The following CEMIP variants were observed in gnomAD, a reference collection of about 807,000 sequenced individuals.
CEMIP encodes cell migration-inducing and hyaluronan-binding protein.
Under a neutral mutation model 156.9 loss-of-function variants are expected in CEMIP, and 105 were observed. The observed-to-expected ratio is 0.67, with a 90% CI of 0.57 to 0.79. The LOEUF (loss-of-function observed/expected upper bound fraction) is 0.79, where lower values mean the gene tolerates loss of function less well. Ranked by LOEUF, CEMIP falls within the 30% of genes least tolerant of loss-of-function variation. The pLI is 0.00. For missense variants in CEMIP, 1,457 were observed against 1,769.4 expected, an observed-to-expected ratio of 0.82 and a Z score of 3.17; for synonymous variants, 676 against 668.4, an observed-to-expected ratio of 1.01 and a Z score of -0.17.
intron 10 of CEMIP, among the ~76,000 whole-genome samples, chr15:80,892,464 C>A (rs975743214): frequency 1.3e-5 from 2 of 152,186 alleles, no homozygotes; most frequent in Non-Finnish European, 1.5e-5. Context: ...CCCAGCCACC[C>A]TTCAAGGCCA....
chr15:80,803,709 A>G (rs188312564), intron 1 of CEMIP, among the ~76,000 whole-genome samples: 3 of 152,358 alleles, frequency 2.0e-5, no homozygotes, highest in African/African-American at 7.2e-5. Flanking sequence ...TTCTACAGAC[A>G]CATAGCTAAT....
At chr15:80,923,963 C>T (rs1181256245) in intron 17 of CEMIP, among the ~76,000 whole-genome samples, 1 of 152,156 alleles carries the variant, frequency 6.6e-6, no homozygotes, top group Admixed American at 6.5e-5. Flanking sequence ...GCCACAGTGC[C>T]CTCCAGTTAT....
intron 1 of CEMIP, among the ~76,000 whole-genome samples, chr15:80,844,470 G>A (rs1046679201): frequency 1.2e-4 from 19 of 152,198 alleles, no homozygotes; most frequent in African/African-American, 4.1e-4. Context: ...GCTTTGCCCT[G>A]CTCCTCTTTC....
intron 14 of CEMIP, among the ~76,000 whole-genome samples, chr15:80,916,243 A>T (rs992196211): frequency 2.0e-5 from 3 of 152,252 alleles, no homozygotes; most frequent in Middle Eastern, 6.8e-3. Context: ...AACCAAATAA[A>T]ATGGTCACAC....
chr15:80,910,375 G>A lies in CEMIP; in HGVS notation c.1797+1069G>A, dbSNP rs1051168836. 5.9e-5 allele frequency among the ~76,000 whole-genome samples: 9 copies of A among 152,302 alleles called. No individual in the cohort carries two copies. In the South Asian group the frequency reaches 1.0e-3, roughly 18 times the overall value. On this transcript the variant is annotated intron_variant, in intron 14 of 29. Transcript: ENST00000394685. Reference sequence around the variant, plus strand: ...TACAATTACTGTAAAACCCCAGGCCGGTGCCACTCCTTTCATTGCCTGCTG... The same window carrying A: ...TACAATTACTGTAAAACCCCAGGCCAGTGCCACTCCTTTCATTGCCTGCTG...
chr15:80,812,719 A>T (rs1021256208), intron 1 of CEMIP, among the ~76,000 whole-genome samples: 3 of 152,218 alleles, frequency 2.0e-5, no homozygotes, highest in Admixed American at 6.5e-5. Flanking sequence ...ATAGTTAAAC[A>T]TGTTTATAAA....
intron 24 of CEMIP, 110 bp from the exon 25 acceptor site, chr15:80,937,684 T>G: frequency 1.1e-6 from 1 of 949,922 alleles, no homozygotes; most frequent in Non-Finnish European, 1.7e-6. Context: ...CATACAAAAG[T>G]GGAGGTGTCA....
intron 1 of CEMIP, among the ~76,000 whole-genome samples, chr15:80,866,344 CT>C (rs1898125535): frequency 6.6e-6 from 1 of 152,028 alleles, no homozygotes; most frequent in Middle Eastern, 3.2e-3. Flanking sequence ...AATCCCAGCA[CT>C]TTGGGAGGTC....
chr15:80,932,282 C>T lies in CEMIP; in HGVS notation c.2793+243C>T, dbSNP rs999233298. ...GCTCTCTCCCTGCTCAAAACTCAGG[C>T]GAGCCTCTGGAGGAACCCGACGTGT... On this transcript the variant is annotated intron_variant, in intron 22 of 29. Coordinates refer to ENST00000394685, the MANE Select transcript of CEMIP (RefSeq NM_001293298.2). This position sits in a 1 kb window ranked among gnomAD's most constrained non-coding sequence, Gnocchi z 4.5. Among the ~76,000 whole-genome samples, 5 of 152,184 alleles carry T rather than the reference C, an allele frequency of 3.3e-5. No homozygotes were observed. Among genetic ancestry groups the T allele is most frequent in the African/African-American group, 1.2e-4 (5 of 41,446 alleles).
intron 1 of CEMIP, among the ~76,000 whole-genome samples, chr15:80,788,019 CT>C (rs1463651849): frequency 1.3e-5 from 2 of 152,148 alleles, no homozygotes; most frequent in East Asian, 1.9e-4. Context: ...CTCAAGCCCC[CT>C]AAAGGCTCGC....
intron 15 of CEMIP, 113 bp downstream of exon 15, chr15:80,920,412 G>A: frequency 1.0e-6 from 1 of 994,288 alleles, no homozygotes; most frequent in South Asian, 1.6e-5. Context: ...GCTCTGAGGA[G>A]CTTGGGCCTC....
chr15:80,862,036 C>T (rs748762352), intron 1 of CEMIP, among the ~76,000 whole-genome samples: 4 of 152,248 alleles, frequency 2.6e-5, no homozygotes, highest in Non-Finnish European at 5.9e-5. Context: ...CATGGTGGGG[C>T]AGCCTCCTGC....
Position 80,895,135 on chromosome 15 carries a change from T to A in CEMIP, c.1219+13T>A. 6.2e-7 allele frequency: 1 copy of A among 1,614,112 alleles called. No homozygotes were observed. Among genetic ancestry groups the A allele is most frequent in the South Asian group, 1.1e-5 (1 of 91,070 alleles). On this transcript the variant is annotated intron_variant, in intron 11 of 29. Coordinates refer to ENST00000394685, the MANE Select transcript of CEMIP (RefSeq NM_001293298.2). ...TGTGGGAAGCCTGGTAAGCAGCCCC[T>A]TGTCGGGGACACAGATGCAACTATG...
chr15:80,889,428 C>T, intron 9 of CEMIP, 43 bp from the exon 10 acceptor site: 1 of 1,613,432 alleles, frequency 6.2e-7, no homozygotes. Context: ...CTTGCCCTCA[C>T]AGACAACCTC....
chr15:80,943,233 C>G, intron 28 of CEMIP, 131 bp downstream of exon 28: 1 of 987,370 alleles, frequency 1.0e-6, no homozygotes, highest in Non-Finnish European at 1.6e-6. Context: ...CACAGCCTGC[C>G]CACAAATCAT....
chr15:80,817,748 C>T (rs944555734), intron 1 of CEMIP, among the ~76,000 whole-genome samples: 47 of 151,894 alleles, frequency 3.1e-4, no homozygotes, highest in African/African-American at 8.5e-4. Context: ...TAGGAGGCTG[C>T]GGTGGCAAAT....
intron 25 of CEMIP, among the ~76,000 whole-genome samples, chr15:80,938,953 A>G (rs562475056): frequency 6.7e-4 from 102 of 152,352 alleles, no homozygotes; most frequent in African/African-American, 2.4e-3. Context: ...CAGATGATCT[A>G]TCTTATTTAT....
chr15:80,822,046 G>C (rs72738298), intron 1 of CEMIP, among the ~76,000 whole-genome samples: 4,441 of 152,338 alleles, frequency 0.029, 85 homozygotes, highest in African/African-American at 0.048. Context: ...CTCAAGTGGA[G>C]AATAACTGGA....
intron 7 of CEMIP, 107 bp from the exon 8 acceptor site, chr15:80,887,587 C>G: frequency 4.3e-5 from 34 of 790,768 alleles, no homozygotes; most frequent in African/African-American, 6.8e-5. Context: ...CAGGGAGGGA[C>G]CCTCCTTCAC....
Sources: gnomAD v4.1 joint callset for allele counts (sites outside exome capture counted in the v4.1 genomes callset) on GRCh38, gnomAD v4.1.1 for gene constraint, Gnocchi (gnomAD v3.1) non-coding constraint, MANE v1.5 for transcripts, NCBI Gene and HGNC (gene_info 2026-07-23, HGNC 2026-07-21) for gene names.